Variants in KCNK16 observed in about 807,000 individuals in gnomAD.
KCNK16 encodes potassium channel subfamily K member 16.
KCNK16 carries 23 observed loss-of-function variants against 23.0 expected under a neutral mutation model. That is an observed-to-expected ratio of 1.00 (90% CI 0.72 to 1.41). The LOEUF is 1.41. Among genes scored for constraint, KCNK16 ranks in the 40% most tolerant of loss-of-function variants. The pLI, the probability that KCNK16 is intolerant of heterozygous loss-of-function variation, is 0.00. For synonymous variants in KCNK16, 145 were observed against 153.5 expected, an observed-to-expected ratio of 0.94 and a Z score of 0.41; for missense variants, 327 against 365.8, an observed-to-expected ratio of 0.89 and a Z score of 0.87.
downstream of KCNK16, chr6:39,315,232 C>T (rs1439027032): frequency 6.2e-7 from 1 of 1,612,676 alleles, no homozygotes; most frequent in East Asian, 2.2e-5. Context: ...GTCTAAATCT[C>T]TCCTGGTCAG....
chr6:39,321,335 G>A (rs1392979062), intron 1 of KCNK16, among the ~76,000 whole-genome samples: 3 of 152,234 alleles, frequency 2.0e-5, no homozygotes. Context: ...GCCTGGGAGT[G>A]AATGCTGTCT....
At chr6:39,317,337 C>G (rs1161310943) in intron 3 of KCNK16, among the ~76,000 whole-genome samples, 1 of 152,196 alleles carries the variant, frequency 6.6e-6, no homozygotes, top group Non-Finnish European at 1.5e-5. Context: ...AGCTTGTTTG[C>G]TACTGCACAA....
At chr6:39,318,741 T>A (rs1413403168) in intron 2 of KCNK16, among the ~76,000 whole-genome samples, 1 of 152,194 alleles carries the variant, frequency 6.6e-6, no homozygotes, top group Non-Finnish European at 1.5e-5. Context: ...AAATGGCCCC[T>A]CATTCTTGTC....
Position 39,322,576 on chromosome 6 carries a change from G to T in KCNK16, c.-36C>A, listed in dbSNP as rs1004809330. 3 of 1,547,220 alleles carry T rather than the reference G, an allele frequency of 1.9e-6. No individual in the cohort carries two copies. The highest frequency in any genetic ancestry group is 2.6e-6 in the Non-Finnish European group (3 of 1,150,886). On this transcript the variant is annotated 5_prime_UTR_variant, in exon 1 of 5. Transcript: ENST00000437525. ...GGACCCTGCCAGGGCCGTGGGGCTG[G>T]CTATGGGGGAGAGGTGGGAAACAGG...
At chr6:39,315,686 C>T (rs149201385), downstream of KCNK16, among the ~76,000 whole-genome samples, 3 of 152,184 alleles carry the variant, frequency 2.0e-5, no homozygotes, top group African/African-American at 7.2e-5. Context: ...CTCTCATCAA[C>T]CCTGGGGCTA....
chr6:39,316,703 T>G, intron 4 of KCNK16, 79 bp downstream of exon 4: 1 of 1,497,918 alleles, frequency 6.7e-7, no homozygotes, highest in Admixed American at 1.9e-5. Context: ...TCAATAGTTG[T>G]CCTCAGCTGA....
Position 39,319,043 on chromosome 6 carries a change from CA to C in KCNK16, c.303del (p.Phe101LeufsTer9). ...CCTATGGTAGTGACGACTGTGCCTG[CA>C]AAGAAGAAACTGCTGCCAAAGTCCC... Reference protein sequence around the residue: ...SNWDFGSSFFFAGTVVTTIGY... With the variant: ...SNWDFGSSFFXAGTVVTTIGY... On this transcript the variant is annotated frameshift_variant, in exon 2 of 5. Coordinates refer to ENST00000437525, the MANE Select transcript of KCNK16 (RefSeq NM_001135106.2). LOFTEE classifies it high-confidence loss of function. This position sits in a 1 kb window ranked among gnomAD's most constrained non-coding sequence, Gnocchi z 4.2. 6.2e-7 allele frequency: 1 copy of C among 1,613,906 alleles called. No homozygotes were observed. Among genetic ancestry groups the C allele is most frequent in the South Asian group, 1.1e-5 (1 of 91,068 alleles).
intron 1 of KCNK16, among the ~76,000 whole-genome samples, chr6:39,321,983 C>T (rs566689486): frequency 3.3e-5 from 5 of 152,228 alleles, no homozygotes; most frequent in Non-Finnish European, 2.9e-5. Context: ...GCGTTGATAA[C>T]GCTGACATAT....
chr6:39,316,573 G>C (rs898652602), intron 4 of KCNK16, 131 bp from the exon 5 acceptor site: 18 of 1,267,364 alleles, frequency 1.4e-5, no homozygotes, highest in Middle Eastern at 5.5e-4. Flanking sequence ...GTTGAGGTAG[G>C]TCTCTGCAGG....
chr6:39,317,749 T>G (rs1177351179), intron 3 of KCNK16, 37 bp downstream of exon 3: 1 of 1,508,946 alleles, frequency 6.6e-7, no homozygotes, highest in Non-Finnish European at 8.9e-7. Flanking sequence ...GCAACAGATC[T>G]GTCACAGCAG....
intron 2 of KCNK16, 31 bp downstream of exon 2, chr6:39,318,988 G>T: frequency 6.8e-7 from 1 of 1,465,164 alleles, no homozygotes; most frequent in Non-Finnish European, 9.6e-7. Flanking sequence ...CAGGGGCCTT[G>T]GGGAAGCTCT....
downstream of KCNK16, chr6:39,315,121 G>T (rs749781944): frequency 4.8e-5 from 77 of 1,614,120 alleles, no homozygotes; most frequent in Non-Finnish European, 6.3e-5. Flanking sequence ...CCACAGCCTT[G>T]CCTCAGACCT....
At position 39,317,784 on chromosome 6, in the gene KCNK16, A is replaced by G. The variant is rs187053014; in HGVS notation, c.495+2T>C. ...GGCCTGTAAGGGAGTTAGGGGGCAT[A>G]CCTGGGAGCGCCTGGGACGGTCCTC... On this transcript the variant is annotated splice_donor_variant, in intron 3 of 4. Coordinates refer to ENST00000437525, the MANE Select transcript of KCNK16 (RefSeq NM_001135106.2). LOFTEE classifies it high-confidence loss of function. The G allele has an allele frequency of 2.5e-6, 4 of 1,585,990 alleles. No homozygotes were observed. The highest frequency in any genetic ancestry group is 3.6e-5 in the Admixed American group (2 of 54,986).
Position 39,322,618 on chromosome 6 carries a change from AG to A in KCNK16, c.-79del. ...GGAAACAGGTGAGGAGTAAGCACCTAGGGGCCTGTGCCCAGGCTGCCGCCTG... is the reference window on the plus strand; with the variant it reads ...GGAAACAGGTGAGGAGTAAGCACCTAGGGCCTGTGCCCAGGCTGCCGCCTG... On this transcript the variant is annotated 5_prime_UTR_variant, in exon 1 of 5. Coordinates refer to ENST00000437525, the MANE Select transcript of KCNK16 (RefSeq NM_001135106.2). 6.7e-7 allele frequency: 1 copy of A among 1,494,038 alleles called. No homozygotes were observed. The highest frequency in any genetic ancestry group is 8.9e-7 in the Non-Finnish European group (1 of 1,125,356). 92.5% of individuals were successfully genotyped at this position (1,494,038 alleles called of 1,614,324 possible). A position where few individuals can be genotyped will look rare whatever the true frequency, so the allele number is the denominator to read the frequency against.
At chr6:39,320,313 C>T (rs904373676) in intron 1 of KCNK16, among the ~76,000 whole-genome samples, 56 of 152,302 alleles carry the variant, frequency 3.7e-4, no homozygotes, top group Non-Finnish European at 7.9e-4. Flanking sequence ...CCAACATTCC[C>T]GAACATGCTC....
At position 39,322,641 on chromosome 6, in the gene KCNK16, C is replaced by T; in HGVS notation, c.-101G>A. On this transcript the variant is annotated 5_prime_UTR_variant, in exon 1 of 5. Coordinates refer to ENST00000437525, the MANE Select transcript of KCNK16 (RefSeq NM_001135106.2). ...CTAGGGGCCTGTGCCCAGGCTGCCG[C>T]CTGCCCTGCCCTCCTCCTCGGCACA... 2 of 1,454,608 alleles carry T rather than the reference C, an allele frequency of 1.4e-6. No homozygotes were observed. Among genetic ancestry groups the T allele is most frequent in the Non-Finnish European group, 1.8e-6 (2 of 1,103,438 alleles). 90.1% of individuals were successfully genotyped at this position (1,454,608 alleles called of 1,614,324 possible). A position where few individuals can be genotyped will look rare whatever the true frequency, so the allele number is the denominator to read the frequency against.
rs1762545138 is a variant in KCNK16 at position 39,322,381 on chromosome 6, A to G, written c.160T>C (p.Phe54Leu). 6 of 1,613,932 alleles carry G rather than the reference A, an allele frequency of 3.7e-6. No homozygotes were observed. The highest frequency in any genetic ancestry group is 1.3e-5 in the African/African-American group (1 of 74,886). The change falls in exon 1 of 5, where the codon TTC (phenylalanine) becomes CTC (leucine). Residue 54 changes from phenylalanine (F) to leucine (L), a missense_variant. Physicochemically the swap from Phe to Leu is conservative, Grantham distance 22. Coordinates refer to ENST00000437525, the MANE Select transcript of KCNK16 (RefSeq NM_001135106.2). ...RDQFQLEKLR[F>L]LENYTCLDQW... ...TCCAGGCAGGTGTAGTTCTCCAGGAAGCGCAGCTTCTCCAACTGAAACTGG... is the reference window on the plus strand; with the variant it reads ...TCCAGGCAGGTGTAGTTCTCCAGGAGGCGCAGCTTCTCCAACTGAAACTGG...
chr6:39,317,981 A>G, intron 2 of KCNK16, 29 bp from the exon 3 acceptor site: 1 of 1,576,388 alleles, frequency 6.3e-7, no homozygotes, highest in Non-Finnish European at 8.6e-7. Flanking sequence ...GTGTGCAAAT[A>G]TGGAGACTCT....
Position 39,316,958 on chromosome 6 carries a change from G to A in KCNK16, c.496-11C>T. ...CAGGACTTGCAGTACCTAGGAGGGA[G>A]GGAGTTGGCCTCTGAGTCCACTTGA... On this transcript the variant is annotated splice_polypyrimidine_tract_variant and intron_variant, in intron 3 of 4. Coordinates refer to ENST00000437525, the MANE Select transcript of KCNK16 (RefSeq NM_001135106.2). The A allele has an allele frequency of 6.2e-7, 1 of 1,605,156 alleles. No homozygotes were observed. The highest frequency in any genetic ancestry group is 8.5e-7 in the Non-Finnish European group (1 of 1,176,628).
Sources: allele counts gnomAD v4.1 joint callset (sites outside exome capture counted in the v4.1 genomes callset), GRCh38; gene constraint gnomAD v4.1.1; non-coding constraint Gnocchi (gnomAD v3.1); transcripts MANE v1.5; gene names NCBI Gene and HGNC (gene_info 2026-07-23, HGNC 2026-07-21).